The following NELL2 variants were observed in gnomAD, a reference collection of about 807,000 sequenced individuals.
The protein encoded by NELL2 is protein kinase C-binding protein NELL2.
NELL2 carries 41 observed loss-of-function variants against 109.6 expected under a neutral mutation model. That is an observed-to-expected ratio of 0.37 (90% CI 0.29 to 0.49). The LOEUF is 0.49. NELL2 is among the 20% of genes least tolerant of loss of function. The probability of loss-of-function intolerance (pLI) is 0.98; values close to 1 mark genes in which losing one functional copy is unlikely to be tolerated. For synonymous variants in NELL2, 355 were observed against 344.7 expected (o/e 1.03, Z -0.33); for missense variants, 900 against 1,008.3 (o/e 0.89, Z 1.45).
At chr12:44,765,438 C>T (rs946348755) in intron 9 of NELL2, among the ~76,000 whole-genome samples, 7 of 152,066 alleles carry the variant, frequency 4.6e-5, no homozygotes, top group African/African-American at 1.7e-4. Context: ...CCTGATATGG[C>T]CCTATGGCTT....
At position 44,699,654 on chromosome 12, in the gene NELL2, G is replaced by A. The variant is rs535579277; in HGVS notation, c.1318+4072C>T. Among the ~76,000 whole-genome samples, 14 of 151,964 alleles carry A rather than the reference G, an allele frequency of 9.2e-5. No individual in the cohort carries two copies. In the South Asian group the frequency reaches 2.9e-3, roughly 32 times the overall value. On this transcript the variant is annotated intron_variant, in intron 12 of 19. Transcript: ENST00000429094. Reference sequence around the variant, plus strand: ...ACAATATTCAATGTACTCCAAACTGGCTTGTATCACCAACTTTGTACCAAA... The same window carrying A: ...ACAATATTCAATGTACTCCAAACTGACTTGTATCACCAACTTTGTACCAAA...
At chr12:44,621,436 C>G (rs1359969307) in intron 13 of NELL2, among the ~76,000 whole-genome samples, 1 of 152,170 alleles carries the variant, frequency 6.6e-6, no homozygotes, top group Non-Finnish European at 1.5e-5. Context: ...GTTACTTAAT[C>G]TCTTCAAATC....
chr12:44,815,241 G>T (rs1451356450), intron 3 of NELL2, among the ~76,000 whole-genome samples: 1 of 152,156 alleles, frequency 6.6e-6, no homozygotes, highest in Non-Finnish European at 1.5e-5. Flanking sequence ...ACAAAGGCTG[G>T]AAGATAGTAG....
At chr12:44,839,072 G>A (rs1175003167) in intron 2 of NELL2, among the ~76,000 whole-genome samples, 1 of 152,120 alleles carries the variant, frequency 6.6e-6, no homozygotes, top group Non-Finnish European at 1.5e-5. Flanking sequence ...CCCCGCGCAC[G>A]CTTCAATCTG....
At chr12:44,891,719 T>C (rs937502263) in intron 1 of NELL2, among the ~76,000 whole-genome samples, 5 of 152,064 alleles carry the variant, frequency 3.3e-5, no homozygotes, top group African/African-American at 1.2e-4. Flanking sequence ...AGAGCTTGAG[T>C]CTACCTTAGT....
chr12:44,724,944 G>A (rs1345148406), intron 9 of NELL2, among the ~76,000 whole-genome samples: 2 of 151,536 alleles, frequency 1.3e-5, no homozygotes, highest in Non-Finnish European at 2.9e-5. Context: ...ACAGAATACA[G>A]AGCCCAGAAA....
chr12:44,910,777 T>C (rs1283931343), intron 1 of NELL2, among the ~76,000 whole-genome samples: 3 of 151,994 alleles, frequency 2.0e-5, no homozygotes, highest in Non-Finnish European at 2.9e-5. Context: ...TATGCAGCCA[T>C]GAAAAGAACA....
At chr12:44,659,069 T>C (rs1419458110) in intron 13 of NELL2, among the ~76,000 whole-genome samples, 1 of 151,978 alleles carries the variant, frequency 6.6e-6, no homozygotes, top group African/African-American at 2.4e-5. Flanking sequence ...CAGCTGATCT[T>C]TGACAGACCT....
In NELL2 at chr12:44,508,932, C is replaced by T; in HGVS notation, c.*2G>A. On this transcript the variant is annotated 3_prime_UTR_variant, in exon 20 of 20. Coordinates refer to ENST00000429094, the MANE Select transcript of NELL2 (RefSeq NM_001145108.2). ...CAGAAATCTCCCATGAGACAGTTAA[C>T]TTCACAGTTCCTGAAGGCACTGTGG... 6.2e-6 allele frequency: 10 copies of T among 1,610,880 alleles called. No homozygotes were observed. Among genetic ancestry groups the T allele is most frequent in the Non-Finnish European group, 8.5e-6 (10 of 1,177,842 alleles).
intron 19 of NELL2, among the ~76,000 whole-genome samples, chr12:44,509,551 A>G (rs572716926): frequency 1.3e-5 from 2 of 152,316 alleles, no homozygotes; most frequent in African/African-American, 4.8e-5. Context: ...CCTTACAAAA[A>G]GATGAGAACA....
intron 9 of NELL2, among the ~76,000 whole-genome samples, chr12:44,742,702 G>T (rs959135949): frequency 1.3e-5 from 2 of 152,192 alleles, no homozygotes; most frequent in Non-Finnish European, 2.9e-5. Context: ...AAGGGTATCA[G>T]TGATGGAAGA....
chr12:44,611,597 C>A (rs1334429026), intron 13 of NELL2, among the ~76,000 whole-genome samples: 1 of 152,058 alleles, frequency 6.6e-6, no homozygotes, highest in Non-Finnish European at 1.5e-5. Context: ...AATATGTAAT[C>A]AATATAGTAT....
chr12:44,791,212 A>ATC, intron 3 of NELL2, among the ~76,000 whole-genome samples: 1 of 80,696 alleles, frequency 1.2e-5, no homozygotes, highest in Admixed American at 1.3e-4. Flanking sequence ...ATATATATAT[A>ATC]TATATATATA....
At chr12:44,895,819 A>G (rs1506681) in intron 1 of NELL2, among the ~76,000 whole-genome samples, 20,883 of 152,168 alleles carry the variant, frequency 0.14, 1,672 homozygotes, top group East Asian at 0.22. Flanking sequence ...TTCTTTCTTT[A>G]GTGACATTAT....
chr12:44,560,714 A>G (rs1163853273), intron 15 of NELL2, among the ~76,000 whole-genome samples: 1 of 152,226 alleles, frequency 6.6e-6, no homozygotes, highest in African/African-American at 2.4e-5. Context: ...AGAAAAGCCC[A>G]GGACCAGATG....
chr12:44,876,662 T>G (rs1945336570), upstream of NELL2: 2 of 1,551,382 alleles, frequency 1.3e-6, no homozygotes, highest in Non-Finnish European at 1.7e-6. Context: ...ACCACCCAGC[T>G]GCAGGAGGCA....
At chr12:44,725,106 C>CAAAAATCA (rs1322172810) in intron 9 of NELL2, among the ~76,000 whole-genome samples, 1 of 152,076 alleles carries the variant, frequency 6.6e-6, no homozygotes, top group Non-Finnish European at 1.5e-5. Context: ...ACACCATGTA[C>CAAAAATCA]AAAAATCAAC....
intron 12 of NELL2, among the ~76,000 whole-genome samples, chr12:44,682,526 T>A (rs1948550723): frequency 6.6e-6 from 1 of 152,192 alleles, no homozygotes; most frequent in Non-Finnish European, 1.5e-5. Flanking sequence ...TGCCTAGGTT[T>A]TCTTCTAGGG....
At chr12:44,868,485 G>A (rs1370135903) in intron 2 of NELL2, among the ~76,000 whole-genome samples, 1 of 152,122 alleles carries the variant, frequency 6.6e-6, no homozygotes. Context: ...GAATAATGCT[G>A]CAAAGAACAT....
Sources: allele counts gnomAD v4.1 joint callset (sites outside exome capture counted in the v4.1 genomes callset), GRCh38; gene constraint gnomAD v4.1.1; transcripts MANE v1.5; gene names NCBI Gene and HGNC (gene_info 2026-07-23, HGNC 2026-07-21).